Variants in PRKG2 observed in about 807,000 individuals in gnomAD.
The protein encoded by PRKG2 is protein kinase cGMP-dependent 2, also known as cGMP-dependent protein kinase 2.
In PRKG2, 33 loss-of-function variants were observed where a neutral mutation model predicts 97.2. The observed-to-expected ratio is 0.34, with a 90% CI of 0.26 to 0.45. PRKG2 has a LOEUF of 0.45. PRKG2 is among the 20% of genes least tolerant of loss of function. The pLI, the probability that PRKG2 is intolerant of heterozygous loss-of-function variation, is 1.00. For missense variants in PRKG2, 638 were observed against 900.0 expected (o/e 0.71, Z 3.73); for synonymous variants, 330 against 321.8 (o/e 1.03, Z -0.27).
At chr4:81,194,423 A>G (rs1368484336) in intron 2 of PRKG2, among the ~76,000 whole-genome samples, 1 of 152,110 alleles carries the variant, frequency 6.6e-6, no homozygotes, top group African/African-American at 2.4e-5. Flanking sequence ...AAAACCTAAT[A>G]AATGCACAAG....
At chr4:81,216,587 A>G (rs1448167911), upstream of PRKG2, among the ~76,000 whole-genome samples, 1 of 152,182 alleles carries the variant, frequency 6.6e-6, no homozygotes, top group Non-Finnish European at 1.5e-5. Context: ...TTACACGGAC[A>G]TAACACATAG....
At chr4:81,105,333 G>T (rs1052713233) in intron 16 of PRKG2, among the ~76,000 whole-genome samples, 1 of 151,822 alleles carries the variant, frequency 6.6e-6, no homozygotes. Flanking sequence ...CTACATTTCC[G>T]TTTTCTATCT....
chr4:81,187,790 C>A (rs1052718616), intron 2 of PRKG2, among the ~76,000 whole-genome samples: 2 of 152,092 alleles, frequency 1.3e-5, no homozygotes, highest in Admixed American at 1.3e-4. Flanking sequence ...AATCAATGTG[C>A]AAAAATCACA....
At chr4:81,091,734 A>C (rs1741557455) in intron 18 of PRKG2, among the ~76,000 whole-genome samples, 1 of 152,228 alleles carries the variant, frequency 6.6e-6, no homozygotes, top group Non-Finnish European at 1.5e-5. Flanking sequence ...ACACTAACAT[A>C]AACTTAGTAG....
At chr4:81,183,785 T>C (rs1480872704) in intron 2 of PRKG2, among the ~76,000 whole-genome samples, 1 of 152,042 alleles carries the variant, frequency 6.6e-6, no homozygotes, top group Non-Finnish European at 1.5e-5. Context: ...GAAGTCAACC[T>C]GGAACACTCG....
chr4:81,195,740 T>C (rs879911507), intron 2 of PRKG2, among the ~76,000 whole-genome samples: 2 of 152,242 alleles, frequency 1.3e-5, no homozygotes, highest in African/African-American at 2.4e-5. Context: ...ATTGCATGTA[T>C]ATACTACATT....
At position 81,142,785 on chromosome 4, in the gene PRKG2, AC is replaced by A. The variant is rs746631839; in HGVS notation, c.1407+8del. 3 of 1,550,064 alleles carry A rather than the reference AC, an allele frequency of 1.9e-6. No individual in the cohort carries two copies. In the East Asian group the frequency reaches 6.8e-5, roughly 35 times the overall value. On this transcript the variant is annotated splice_region_variant and intron_variant, in intron 11 of 18. Transcript: ENST00000264399. ...CTTCTCTCAGATGCTTGAAACGTAA[AC>A]CCCTTACAAGCTCAACTCTTCCGAA... is the stretch of plus-strand genomic sequence containing the variant.
rs563570080 is a variant in PRKG2 at position 81,154,962 on chromosome 4, C to T, written c.913-1241G>A. ...GGCCGAGGCGGGCAGATCACGAGGTCAGGAGATCGAGACCATCCCGGCTAA... is the reference window on the plus strand; with the variant it reads ...GGCCGAGGCGGGCAGATCACGAGGTTAGGAGATCGAGACCATCCCGGCTAA... On this transcript the variant is annotated intron_variant, in intron 6 of 18. Transcript: ENST00000264399. Among the ~76,000 whole-genome samples, 11 of 152,106 alleles carry T rather than the reference C, an allele frequency of 7.2e-5. No homozygotes were observed. In the South Asian group the frequency reaches 2.3e-3, roughly 32 times the overall value.
At chr4:81,118,456 C>T (rs1340401371) in intron 14 of PRKG2, among the ~76,000 whole-genome samples, 1 of 152,168 alleles carries the variant, frequency 6.6e-6, no homozygotes, top group South Asian at 2.1e-4. Context: ...TTCCTATCAG[C>T]GTTTGGTGTT....
intron 14 of PRKG2, among the ~76,000 whole-genome samples, chr4:81,114,000 A>G (rs893903859): frequency 2.0e-5 from 3 of 152,178 alleles, no homozygotes; most frequent in Non-Finnish European, 4.4e-5. Flanking sequence ...TGTTTGGTGT[A>G]CAGATTCAGC....
At chr4:81,141,142 C>T (rs1443649735) in intron 11 of PRKG2, among the ~76,000 whole-genome samples, 2 of 152,046 alleles carry the variant, frequency 1.3e-5, no homozygotes, top group Non-Finnish European at 2.9e-5. Flanking sequence ...TCCTGAGTAG[C>T]TGGGACTACA....
intron 10 of PRKG2, 96 bp from the exon 11 acceptor site, chr4:81,143,043 G>T: frequency 2.9e-6 from 4 of 1,385,290 alleles, no homozygotes; most frequent in Non-Finnish European, 3.8e-6. Context: ...TCTAATTTCT[G>T]CTGTAACTAT....
At chr4:81,141,162 C>T (rs1747244973) in intron 11 of PRKG2, among the ~76,000 whole-genome samples, 1 of 152,030 alleles carries the variant, frequency 6.6e-6, no homozygotes, top group South Asian at 2.1e-4. Context: ...AGGTATAAAC[C>T]ACCACACCCA....
rs1752221084 is a variant in PRKG2, at chr4:81,189,084, A to AAAAT, written c.462-14126_462-14125insATTT. 7.0e-5 allele frequency among the ~76,000 whole-genome samples: 8 copies of AAAAT among 113,622 alleles called. 1 individual carries two copies. Among genetic ancestry groups the AAAAT allele is most frequent in the African/African-American group, 4.5e-4 (8 of 17,742 alleles). The allele number at this position is 113,622 out of a possible 152,430, so 74.5% of individuals were successfully genotyped here. ...AAAATAATAAAAAAAAAAAAAAAAA[A>AAAAT]AAAAAAAAGAAGCTAGCAATTGCAC... On this transcript the variant is annotated intron_variant, in intron 2 of 18. Transcript: ENST00000264399.
At chr4:81,147,499 C>T (rs1747969419) in intron 9 of PRKG2, among the ~76,000 whole-genome samples, 1 of 152,144 alleles carries the variant, frequency 6.6e-6, no homozygotes, top group African/African-American at 2.4e-5. Flanking sequence ...CCTAGGGTGA[C>T]TTTGACATTT....
intron 6 of PRKG2, among the ~76,000 whole-genome samples, chr4:81,159,095 C>A (rs952217163): frequency 3.9e-4 from 59 of 152,144 alleles, no homozygotes; most frequent in South Asian, 1.0e-3. Flanking sequence ...GCAACAAAAG[C>A]CAAAATTGAC....
chr4:81,105,635 T>A (rs561670048), intron 16 of PRKG2, among the ~76,000 whole-genome samples, 178 bp downstream of exon 16: 2 of 152,272 alleles, frequency 1.3e-5, no homozygotes, highest in East Asian at 3.9e-4. Context: ...TTCTGTAATG[T>A]GAGGTCAACT....
At chr4:81,202,828 G>A (rs1362443147) in intron 2 of PRKG2, among the ~76,000 whole-genome samples, 1 of 152,010 alleles carries the variant, frequency 6.6e-6, no homozygotes, top group Admixed American at 6.6e-5. Flanking sequence ...CAGGAGCATG[G>A]TGTTTTGCCT....
At chr4:81,212,619 T>A (rs1164780673) in intron 1 of PRKG2, among the ~76,000 whole-genome samples, 1 of 152,114 alleles carries the variant, frequency 6.6e-6, no homozygotes, top group Admixed American at 6.5e-5. Context: ...AAACTTTAAG[T>A]AGAGAAGTTT....
Sources: gnomAD v4.1 joint callset for allele counts (sites outside exome capture counted in the v4.1 genomes callset) on GRCh38, gnomAD v4.1.1 for gene constraint, MANE v1.5 for transcripts, NCBI Gene and HGNC (gene_info 2026-07-23, HGNC 2026-07-21) for gene names.